The following FOXN2 variants were observed in gnomAD, a reference collection of about 807,000 sequenced individuals.
The protein encoded by FOXN2 is forkhead box N2.
FOXN2 carries 19 observed loss-of-function variants against 41.2 expected under a neutral mutation model. The observed-to-expected ratio is 0.46, with a 90% CI of 0.32 to 0.68. The LOEUF (loss-of-function observed/expected upper bound fraction) is 0.68, where lower values mean the gene tolerates loss of function less well. Ranked by LOEUF, FOXN2 falls within the 30% of genes least tolerant of loss-of-function variation. FOXN2 has a pLI of 0.03. For synonymous variants in FOXN2, 195 were observed against 176.8 expected (o/e 1.10, Z -0.82); for missense variants, 587 against 509.4 (o/e 1.15, Z -1.47).
intron 2 of FOXN2, among the ~76,000 whole-genome samples, chr2:48,334,592 A>G (rs890845942): frequency 5.3e-5 from 8 of 152,304 alleles, no homozygotes; most frequent in East Asian, 1.9e-4. Flanking sequence ...TCTTAAATGC[A>G]TCAGTGCTCT....
intron 3 of FOXN2, among the ~76,000 whole-genome samples, chr2:48,349,764 AAAAT>A (rs1269004440): frequency 3.3e-5 from 5 of 152,238 alleles, no homozygotes; most frequent in Admixed American, 6.5e-5. Context: ...TCCGTCTCAA[AAAAT>A]AAATAAATAA....
chr2:48,331,877 T>A (rs1462565340), intron 2 of FOXN2, among the ~76,000 whole-genome samples: 1 of 152,002 alleles, frequency 6.6e-6, no homozygotes, highest in Non-Finnish European at 1.5e-5. Context: ...TTAGCTGGAT[T>A]TTTTTTGGTC....
chr2:48,316,866 A>G (rs1486335758), intron 1 of FOXN2, among the ~76,000 whole-genome samples: 6 of 152,236 alleles, frequency 3.9e-5, no homozygotes, highest in Non-Finnish European at 8.8e-5. Context: ...AAATCTGCAC[A>G]AGAACTGTAT....
chr2:48,367,873 G>A (rs534133648), intron 5 of FOXN2, among the ~76,000 whole-genome samples: 2 of 152,086 alleles, frequency 1.3e-5, no homozygotes, highest in South Asian at 2.1e-4. Flanking sequence ...ATGGTGTCTC[G>A]CTCTGTCAAC....
At chr2:48,347,793 C>T (rs1671211181) in intron 3 of FOXN2, among the ~76,000 whole-genome samples, 1 of 152,086 alleles carries the variant, frequency 6.6e-6, no homozygotes, top group Non-Finnish European at 1.5e-5. Flanking sequence ...TTCAGTTTTG[C>T]TGGCAATGGT....
intron 1 of FOXN2, among the ~76,000 whole-genome samples, chr2:48,322,115 T>A (rs1669366757): frequency 6.6e-6 from 1 of 151,990 alleles, no homozygotes; most frequent in Non-Finnish European, 1.5e-5. Context: ...CTAGCTAATT[T>A]TTTTGTATTT....
At chr2:48,360,443 A>G (rs1419694355) in intron 4 of FOXN2, among the ~76,000 whole-genome samples, 1 of 152,306 alleles carries the variant, frequency 6.6e-6, no homozygotes, top group East Asian at 1.9e-4. Flanking sequence ...GTTAATTTGA[A>G]TTCTTAAAGT....
At chr2:48,361,729 A>G (rs1272077965) in intron 4 of FOXN2, among the ~76,000 whole-genome samples, 1 of 152,184 alleles carries the variant, frequency 6.6e-6, no homozygotes, top group Non-Finnish European at 1.5e-5. Flanking sequence ...ATGCTATCAT[A>G]AATTCCAAAG....
At chr2:48,354,245 A>G (rs1444814426) in intron 3 of FOXN2, among the ~76,000 whole-genome samples, 1 of 152,224 alleles carries the variant, frequency 6.6e-6, no homozygotes, top group Admixed American at 6.5e-5. Flanking sequence ...CTTGAAAATG[A>G]TTGGCTAAGA....
intron 1 of FOXN2, among the ~76,000 whole-genome samples, chr2:48,323,869 C>T (rs891811637): frequency 6.6e-6 from 1 of 152,016 alleles, no homozygotes; most frequent in Admixed American, 6.6e-5. Flanking sequence ...TCAGGTCTTA[C>T]ATTTAAGTCT....
chr2:48,362,734 G>A lies in FOXN2; in HGVS notation c.703+27G>A, dbSNP rs764079857. 7 of 1,576,718 alleles carry A rather than the reference G, an allele frequency of 4.4e-6. No homozygotes were observed. The African/African-American group carries it at 8.1e-5, about 18-fold the overall frequency. On this transcript the variant is annotated intron_variant, in intron 5 of 6. Coordinates refer to ENST00000340553, the MANE Select transcript of FOXN2 (RefSeq NM_002158.4). ...TATGTGTGAATATCAGTACAGTCATGCACCACACAACAATCTTTTGGTCAA... is the reference window on the plus strand; with the variant it reads ...TATGTGTGAATATCAGTACAGTCATACACCACACAACAATCTTTTGGTCAA...
At chr2:48,323,207 A>G (rs1026166045) in intron 1 of FOXN2, among the ~76,000 whole-genome samples, 25 of 151,774 alleles carry the variant, frequency 1.6e-4, no homozygotes, top group Non-Finnish European at 7.4e-5. Context: ...TACATGTGAT[A>G]TTTTGGTACA....
intron 1 of FOXN2, among the ~76,000 whole-genome samples, chr2:48,326,616 C>G (rs1669694593): frequency 6.6e-6 from 1 of 152,080 alleles, no homozygotes; most frequent in South Asian, 2.1e-4. Flanking sequence ...ATCACTAATG[C>G]AAAAATCCAA....
chr2:48,364,483 C>T (rs781626896), intron 5 of FOXN2, among the ~76,000 whole-genome samples: 2 of 152,102 alleles, frequency 1.3e-5, no homozygotes, highest in Non-Finnish European at 2.9e-5. Flanking sequence ...TGTACAGGGA[C>T]ACATACATAA....
chr2:48,326,675 C>T (rs754672347), intron 1 of FOXN2, among the ~76,000 whole-genome samples: 6 of 152,102 alleles, frequency 3.9e-5, no homozygotes, highest in African/African-American at 1.4e-4. Flanking sequence ...CAACATGCCA[C>T]AAGTGGAAGA....
intron 2 of FOXN2, among the ~76,000 whole-genome samples, chr2:48,344,476 A>C (rs555027620): frequency 6.6e-6 from 1 of 152,338 alleles, no homozygotes; most frequent in South Asian, 2.1e-4. Flanking sequence ...GCCTGGATTT[A>C]AATTCTGACA....
At position 48,375,076 on chromosome 2, in the gene FOXN2, C is replaced by T; in HGVS notation, c.929C>T (p.Ala310Val). Residue 310 changes from alanine to valine, a missense_variant, in exon 7 of 7, where the codon GCA becomes GTA. Ala to Val is a moderately conservative substitution (Grantham distance 64, BLOSUM62 0). Coordinates refer to ENST00000340553, the MANE Select transcript of FOXN2 (RefSeq NM_002158.4). Reference protein sequence around the residue: ...EDHNYSASSMAAQRCASRSSV... With the variant: ...EDHNYSASSMVAQRCASRSSV... The stretch of plus-strand genomic sequence containing the variant: ...CACAATTACAGTGCAAGTAGCATGG[C>T]AGCACAGCGTTGTGCATCCAGGTCT... The T allele has an allele frequency of 6.2e-7, 1 of 1,614,064 alleles. No individual in the cohort carries two copies. Among genetic ancestry groups the T allele is most frequent in the Non-Finnish European group, 8.5e-7 (1 of 1,179,968 alleles).
At chr2:48,335,842 A>G (rs1670306642) in intron 2 of FOXN2, among the ~76,000 whole-genome samples, 1 of 151,398 alleles carries the variant, frequency 6.6e-6, no homozygotes, top group African/African-American at 2.4e-5. Context: ...CCTGGTGAAC[A>G]CGGCGAAACC....
intron 3 of FOXN2, among the ~76,000 whole-genome samples, chr2:48,346,960 A>C (rs779348467): frequency 6.6e-6 from 1 of 152,186 alleles, no homozygotes; most frequent in African/African-American, 2.4e-5. Context: ...TTTGTCCACT[A>C]TAGGTACCTA....
Sources: allele counts gnomAD v4.1 joint callset (sites outside exome capture counted in the v4.1 genomes callset), GRCh38; gene constraint gnomAD v4.1.1; transcripts MANE v1.5; gene names NCBI Gene and HGNC (gene_info 2026-07-23, HGNC 2026-07-21).